Variants in TECPR2 observed in about 807,000 individuals in gnomAD.
TECPR2 encodes tectonin beta-propeller repeat-containing protein 2.
Under a neutral mutation model 138.1 loss-of-function variants are expected in TECPR2, and 65 were observed. The ratio of observed to expected loss-of-function variants is 0.47; its 90% confidence interval spans 0.39 to 0.58. The LOEUF is 0.58. TECPR2 is among the 20% of genes least tolerant of loss of function. The pLI, the probability that TECPR2 is intolerant of heterozygous loss-of-function variation, is 0.00. For missense variants in TECPR2, 1,553 were observed against 1,824.5 expected (o/e 0.85, Z 2.71); for synonymous variants, 746 against 749.8 (o/e 0.99, Z 0.08).
intron 17 of TECPR2, among the ~76,000 whole-genome samples, chr14:102,481,937 A>G (rs989040467): frequency 2.9e-4 from 44 of 152,174 alleles, no homozygotes; most frequent in African/African-American, 1.0e-3. Context: ...TGCTGTGAGG[A>G]CAGAGGAGCT....
chr14:102,487,489 A>G (rs1206587355), intron 17 of TECPR2, among the ~76,000 whole-genome samples: 1 of 152,224 alleles, frequency 6.6e-6, no homozygotes, highest in Non-Finnish European at 1.5e-5. Flanking sequence ...CTCAGCTACA[A>G]GAAGTTTGAA....
At chr14:102,421,328 A>G (rs1348504671) in intron 5 of TECPR2, among the ~76,000 whole-genome samples, 1 of 152,220 alleles carries the variant, frequency 6.6e-6, no homozygotes, top group East Asian at 1.9e-4. Flanking sequence ...TGCTGTTGAT[A>G]GAGTTGTCCA....
rs1170991324 is a variant in TECPR2 at position 102,499,131 on chromosome 14, G to A, written c.*874G>A. Reference sequence around the variant, plus strand: ...GCTGAAACAGTAAAGCCTGATGGGTGCAAATGGAACCTGGATGTGTGCACG... The same window carrying A: ...GCTGAAACAGTAAAGCCTGATGGGTACAAATGGAACCTGGATGTGTGCACG... On this transcript the variant is annotated 3_prime_UTR_variant, in exon 20 of 20. Coordinates refer to ENST00000359520, the MANE Select transcript of TECPR2 (RefSeq NM_014844.5). 23 of 702,950 alleles carry A rather than the reference G, an allele frequency of 3.3e-5. No homozygotes were observed. The highest frequency in any genetic ancestry group is 2.7e-5 in the East Asian group (1 of 37,300). 43.5% of individuals were successfully genotyped at this position (702,950 alleles called of 1,614,324 possible). A position where few individuals can be genotyped will look rare whatever the true frequency, so the allele number is the denominator to read the frequency against.
intron 2 of TECPR2, among the ~76,000 whole-genome samples, chr14:102,387,793 T>C (rs1431979225): frequency 1.3e-5 from 2 of 152,350 alleles, no homozygotes. Flanking sequence ...CCCAAAGTGC[T>C]GGGATTACAG....
At position 102,380,727 on chromosome 14, in the gene TECPR2, A is replaced by G. The variant is rs1329436951; in HGVS notation, c.219+3787A>G. 3.3e-5 allele frequency among the ~76,000 whole-genome samples: 5 copies of G among 152,306 alleles called. 1 individual carries two copies. In the South Asian group the frequency reaches 8.3e-4, roughly 25 times the overall value. ...GGAGTCTCGCTCTGTCGCCCAGGCT[A>G]GAGTGCAGTGGCGCGATCTCGGCTC... On this transcript the variant is annotated intron_variant, in intron 2 of 19. Coordinates refer to ENST00000359520, the MANE Select transcript of TECPR2 (RefSeq NM_014844.5).
chr14:102,371,636 T>C (rs1366490698), intron 1 of TECPR2, among the ~76,000 whole-genome samples: 2 of 152,232 alleles, frequency 1.3e-5, no homozygotes, highest in Non-Finnish European at 2.9e-5. Flanking sequence ...TAAATTGATA[T>C]GAACATTCTT....
At chr14:102,485,378 A>C (rs1168957621) in intron 17 of TECPR2, among the ~76,000 whole-genome samples, 1 of 152,110 alleles carries the variant, frequency 6.6e-6, no homozygotes, top group Non-Finnish European at 1.5e-5. Flanking sequence ...CACTTCCTTT[A>C]ATTTTTTCCA....
At chr14:102,394,180 A>C (rs189143638) in intron 2 of TECPR2, among the ~76,000 whole-genome samples, 3 of 152,090 alleles carry the variant, frequency 2.0e-5, no homozygotes, top group Admixed American at 6.6e-5. Flanking sequence ...AAACCTACCA[A>C]ATCCTCTATC....
intron 16 of TECPR2, among the ~76,000 whole-genome samples, chr14:102,452,996 C>T (rs1418628737): frequency 6.6e-6 from 1 of 152,152 alleles, no homozygotes; most frequent in African/African-American, 2.4e-5. Context: ...GATGGGTGTT[C>T]CCTATGACAG....
chr14:102,363,004 G>GGGCCGGCCCCGT lies in TECPR2; in HGVS notation c.-185_-184insGGCCGGCCCCGT. On this transcript the variant is annotated 5_prime_UTR_variant, in exon 1 of 20. Transcript: ENST00000359520. ...CTGCTGCTCTTCGGTGCTGGCCCCG[G>GGGCCGGCCCCGT]TGCCGGCCCCGTTGCCCAGGGAACA... 9.8e-7 allele frequency: 1 copy of GGGCCGGCCCCGT among 1,024,884 alleles called. No individual in the cohort carries two copies. The highest frequency in any genetic ancestry group is 2.7e-5 in the East Asian group (1 of 37,424). 63.5% of individuals were successfully genotyped at this position (1,024,884 alleles called of 1,614,324 possible).
At chr14:102,436,307 CTTCT>C (rs753434597) in intron 9 of TECPR2, among the ~76,000 whole-genome samples, 1,692 of 149,050 alleles carry the variant, frequency 0.011, 13 homozygotes, top group Non-Finnish European at 0.019. Flanking sequence ...GCTTTTTTTT[CTTCT>C]TTCTTTCTTT....
At position 102,394,413 on chromosome 14, in the gene TECPR2, G is replaced by A. The variant is rs148741308; in HGVS notation, c.220-12925G>A. ...AGTCCAGGAGTTTGAGACCAGCCTA[G>A]GCAACATAGCAAGATCCTGTCTCTA... On this transcript the variant is annotated intron_variant, in intron 2 of 19. Transcript: ENST00000359520. Among the ~76,000 whole-genome samples the A allele has an allele frequency of 4.0e-3, 603 of 152,224 alleles. 7 individuals are homozygous for A. The highest frequency in any genetic ancestry group is 3.2e-3 in the Non-Finnish European group (217 of 68,016).
intron 4 of TECPR2, among the ~76,000 whole-genome samples, chr14:102,410,747 T>C (rs1339146832): frequency 1.3e-5 from 2 of 152,214 alleles, no homozygotes; most frequent in African/African-American, 4.8e-5. Flanking sequence ...TGTCTAGTCA[T>C]ATTCCTATTC....
At chr14:102,383,604 T>C (rs932122122) in intron 2 of TECPR2, among the ~76,000 whole-genome samples, 11 of 151,742 alleles carry the variant, frequency 7.2e-5, no homozygotes, top group Admixed American at 4.6e-4. Flanking sequence ...GACAGGGTTT[T>C]ACCATGTTGG....
chr14:102,435,727 C>T (rs920109712), intron 9 of TECPR2, among the ~76,000 whole-genome samples: 17 of 152,226 alleles, frequency 1.1e-4, no homozygotes, highest in African/African-American at 3.4e-4. Context: ...CCAAGGCTCC[C>T]CTGCGAGCTG....
chr14:102,414,923 G>T, intron 5 of TECPR2, 130 bp downstream of exon 5: 1 of 1,130,264 alleles, frequency 8.8e-7, no homozygotes, highest in South Asian at 1.6e-5. Context: ...CTAAGCCTGG[G>T]GTTCCTGGTG....
intron 17 of TECPR2, among the ~76,000 whole-genome samples, chr14:102,486,065 C>T (rs558992093): frequency 6.6e-6 from 1 of 152,266 alleles, no homozygotes; most frequent in East Asian, 1.9e-4. Flanking sequence ...TTTTCTTTAG[C>T]GCACCCCCTA....
chr14:102,497,861 G>A (rs1891331619), intron 19 of TECPR2, 142 bp downstream of exon 19: 3 of 1,252,936 alleles, frequency 2.4e-6, no homozygotes, highest in African/African-American at 3.0e-5. Flanking sequence ...CCAGGAGTGT[G>A]TCCCAGGGAG....
intron 17 of TECPR2, among the ~76,000 whole-genome samples, chr14:102,467,611 C>G (rs1279951651): frequency 6.6e-6 from 1 of 152,116 alleles, no homozygotes; most frequent in Non-Finnish European, 1.5e-5. Context: ...CAGGCATGAG[C>G]CACTGCGCCT....
Sources: allele counts gnomAD v4.1 joint callset (sites outside exome capture counted in the v4.1 genomes callset), GRCh38; gene constraint gnomAD v4.1.1; transcripts MANE v1.5; gene names NCBI Gene and HGNC (gene_info 2026-07-23, HGNC 2026-07-21).